Variants in SCN7A observed in about 807,000 individuals in gnomAD.
SCN7A encodes the protein sodium channel protein type 7 subunit alpha.
Under a neutral mutation model 155.2 loss-of-function variants are expected in SCN7A, and 138 were observed. That is an observed-to-expected ratio of 0.89 (90% CI 0.77 to 1.02). The LOEUF (loss-of-function observed/expected upper bound fraction) is 1.02. Ranked by LOEUF, SCN7A falls within the 50% of genes least tolerant of loss-of-function variation. The pLI is 0.00. For missense variants in SCN7A, 2,058 were observed against 1,986.6 expected (o/e 1.04, Z -0.68); for synonymous variants, 693 against 649.0 (o/e 1.07, Z -1.03).
intron 2 of SCN7A, among the ~76,000 whole-genome samples, chr2:166,485,004 G>T (rs1418287654): frequency 2.0e-5 from 3 of 152,114 alleles, no homozygotes; most frequent in African/African-American, 7.2e-5. Flanking sequence ...AATGAGAATA[G>T]ATTTATAAAA....
intron 11 of SCN7A, among the ~76,000 whole-genome samples, chr2:166,450,137 C>T (rs957030991): frequency 6.6e-6 from 1 of 152,148 alleles, no homozygotes; most frequent in Non-Finnish European, 1.5e-5. Context: ...TAAAGAAGAA[C>T]AAAATCATGT....
At chr2:166,457,348 TGTCTTCATTGATAGA>T (rs1389295294) in intron 10 of SCN7A, among the ~76,000 whole-genome samples, 4 of 152,364 alleles carry the variant, frequency 2.6e-5, no homozygotes, top group African/African-American at 9.6e-5. Context: ...TCGATTTTTA[TGTCTTCATTGATAGA>T]GAAAATACAT....
chr2:166,410,179 C>G (rs1426165996), intron 24 of SCN7A, 41 bp downstream of exon 24: 10 of 1,374,012 alleles, frequency 7.3e-6, no homozygotes, highest in Non-Finnish European at 1.0e-5. Context: ...ATATAAAGAA[C>G]ACCTCCATTG....
At position 166,435,766 on chromosome 2, in the gene SCN7A, T is replaced by C. The variant is rs942482839; in HGVS notation, c.2158-3014A>G. On this transcript the variant is annotated intron_variant, in intron 15 of 25. Transcript: ENST00000643258. ...ATATTTTTTATTTTTAAAAGGCAAC[T>C]GAATTTTGTATTAAGTTTTCTCTTT... Among the ~76,000 whole-genome samples the C allele has an allele frequency of 9.2e-5, 14 of 152,262 alleles. No homozygotes were observed. In the South Asian group the frequency reaches 1.4e-3, roughly 16 times the overall value.
chr2:166,425,565 C>T (rs549011219), intron 18 of SCN7A, among the ~76,000 whole-genome samples: 2 of 152,192 alleles, frequency 1.3e-5, no homozygotes, highest in African/African-American at 4.8e-5. Flanking sequence ...CTTTTGGTGG[C>T]TCTGAGGGGT....
At position 166,409,891 on chromosome 2, in the gene SCN7A, AG is replaced by A; in HGVS notation, c.3755del (p.Ala1252ValfsTer15). On this transcript the variant is annotated frameshift_variant, in exon 25 of 26. Transcript: ENST00000643258. LOFTEE classifies it high-confidence loss of function. ...GFIFDVVTSQ[A>X]FNVIVMVLIC... ...TAAGAACCATAACAATGACATTAAA[AG>A]CTTGGCTTGTTACCACATCAAAGAT... 1 of 1,569,310 alleles carries A rather than the reference AG, an allele frequency of 6.4e-7. No homozygotes were observed. Among genetic ancestry groups the A allele is most frequent in the Non-Finnish European group, 8.7e-7 (1 of 1,155,468 alleles).
intron 2 of SCN7A, among the ~76,000 whole-genome samples, chr2:166,485,943 C>T (rs1422134280): frequency 6.6e-6 from 1 of 152,140 alleles, no homozygotes; most frequent in Non-Finnish European, 1.5e-5. Context: ...GGCTAGTGGC[C>T]ACATTAGGAT....
rs182761974 is a variant in SCN7A, at chr2:166,414,315, C to T, written c.3415-1194G>A. Reference sequence around the variant, plus strand: ...ACACATATATATATATATATATACACATATATATATATATATGAAGGAAGT... The same window carrying T: ...ACACATATATATATATATATATACATATATATATATATATATGAAGGAAGT... On this transcript the variant is annotated intron_variant, in intron 21 of 25. Coordinates refer to ENST00000643258, the MANE Select transcript of SCN7A (RefSeq NM_002976.4). Among the ~76,000 whole-genome samples, 418 of 76,600 alleles carry T rather than the reference C, an allele frequency of 5.5e-3. 16 individuals carry two copies. The highest frequency in any genetic ancestry group is 0.022 in the African/African-American group (350 of 15,682). 50.3% of individuals were successfully genotyped at this position (76,600 alleles called of 152,430 possible). A position where few individuals can be genotyped will look rare whatever the true frequency, so the allele number is the denominator to read the frequency against.
intron 2 of SCN7A, among the ~76,000 whole-genome samples, chr2:166,486,589 CAGA>C (rs1220556608): frequency 6.6e-6 from 1 of 152,140 alleles, no homozygotes. Flanking sequence ...GAGTGCATAT[CAGA>C]AATCTCCTGG....
At chr2:166,410,103 T>C in intron 24 of SCN7A, 117 bp downstream of exon 24, 1 of 1,117,184 alleles carries the variant, frequency 9.0e-7, no homozygotes, top group South Asian at 1.7e-5. Flanking sequence ...AAAATGACCA[T>C]GAAAAGCTTT....
intron 1 of SCN7A, among the ~76,000 whole-genome samples, chr2:166,489,909 A>G (rs1266307046): frequency 6.6e-6 from 1 of 152,120 alleles, no homozygotes; most frequent in Non-Finnish European, 1.5e-5. Flanking sequence ...TCAAAAGCAT[A>G]AATATGCACT....
At chr2:166,445,029 A>T (rs370102230) in intron 12 of SCN7A, 29 bp from the exon 13 acceptor site, 1 of 1,463,042 alleles carries the variant, frequency 6.8e-7, no homozygotes, top group East Asian at 2.3e-5. Flanking sequence ...AAAGTTAAAC[A>T]TTCTGGCCGG....
intron 15 of SCN7A, 67 bp from the exon 16 acceptor site, chr2:166,432,819 T>G (rs1191223203): frequency 1.1e-5 from 13 of 1,208,880 alleles, no homozygotes; most frequent in Non-Finnish European, 1.5e-5. Flanking sequence ...ATGAAAAGTT[T>G]GTTTACAAAA....
intron 15 of SCN7A, among the ~76,000 whole-genome samples, chr2:166,439,626 CA>C (rs1036065489): frequency 3.2e-4 from 49 of 152,108 alleles, no homozygotes; most frequent in African/African-American, 6.0e-4. Flanking sequence ...TATATATGAT[CA>C]TTTTTTTGTT....
At chr2:166,465,728 T>C (rs1702516669) in intron 8 of SCN7A, 53 bp downstream of exon 8, 2 of 1,568,402 alleles carry the variant, frequency 1.3e-6, no homozygotes, top group Admixed American at 3.4e-5. Context: ...GAAGACTGCT[T>C]TGCCTTTAAC....
chr2:166,481,385 T>G (rs945967620), intron 2 of SCN7A, among the ~76,000 whole-genome samples: 7 of 152,124 alleles, frequency 4.6e-5, no homozygotes, highest in Admixed American at 1.3e-4. Context: ...GTGATAAAAT[T>G]TGCTGTATTA....
At chr2:166,475,741 C>A (rs1033585992) in intron 3 of SCN7A, among the ~76,000 whole-genome samples, 1 of 151,960 alleles carries the variant, frequency 6.6e-6, no homozygotes, top group Non-Finnish European at 1.5e-5. Flanking sequence ...AGAGCTGAAA[C>A]TGTTTTGTTA....
chr2:166,413,981 G>GTGTATATATATATATATATATATA (rs1553513525), intron 21 of SCN7A, among the ~76,000 whole-genome samples: 37 of 53,502 alleles, frequency 6.9e-4, no homozygotes, highest in East Asian at 8.5e-4. Context: ...ATGTGTATGT[G>GTGTATATATATATATATATATATA]TATATATATA....
intron 11 of SCN7A, among the ~76,000 whole-genome samples, chr2:166,455,626 T>C (rs1702257117): frequency 6.6e-6 from 1 of 152,116 alleles, no homozygotes; most frequent in East Asian, 1.9e-4. Flanking sequence ...GGATCATTTG[T>C]ACCCCAAGCC....
Sources: allele counts gnomAD v4.1 joint callset (sites outside exome capture counted in the v4.1 genomes callset), GRCh38; gene constraint gnomAD v4.1.1; transcripts MANE v1.5; gene names NCBI Gene and HGNC (gene_info 2026-07-23, HGNC 2026-07-21).